Variants in BACH2 observed in about 807,000 individuals in gnomAD.
BACH2 encodes the protein transcription regulator protein BACH2.
BACH2 carries 5 observed loss-of-function variants against 61.8 expected under a neutral mutation model. The ratio of observed to expected loss-of-function variants is 0.08; its 90% CI spans 0.04 to 0.17. BACH2 has a LOEUF of 0.17. Ranked by LOEUF, BACH2 falls within the 10% of genes least tolerant of loss-of-function variation. BACH2 has a pLI of 1.00. For synonymous variants in BACH2, 446 were observed against 440.1 expected (o/e 1.01, Z -0.17); for missense variants, 824 against 1,091.1 (o/e 0.76, Z 3.45).
At chr6:90,260,681 C>A (rs565040936) in intron 2 of BACH2, among the ~76,000 whole-genome samples, 9 of 152,192 alleles carry the variant, frequency 5.9e-5, no homozygotes, top group Non-Finnish European at 1.2e-4. Context: ...ATAATATACA[C>A]ATTTCGACCA....
Position 89,951,680 on chromosome 6 carries a change from C to G in BACH2, c.426G>C (p.Val142=). Residue 142 remains valine (V), a synonymous_variant, in exon 7 of 9, where the codon GTG becomes GTC. Transcript: ENST00000257749. This position sits in a 1 kb window ranked among gnomAD's most constrained non-coding sequence, Gnocchi z 6.4. The part of the protein sequence containing the change: ...QLLNSEDGLF[V]CRKDAACQRP... ...GCTGGCACGCAGCATCCTTCCGGCA[C>G]ACAAACAGGCCATCCTCACTGTTCA... 1 of 1,614,232 alleles carries G rather than the reference C, an allele frequency of 6.2e-7. No homozygotes were observed. The highest frequency in any genetic ancestry group is 8.5e-7 in the Non-Finnish European group (1 of 1,180,038).
chr6:90,170,075 CT>C (rs199794611), intron 4 of BACH2, among the ~76,000 whole-genome samples: 10 of 151,538 alleles, frequency 6.6e-5, no homozygotes, highest in Admixed American at 1.3e-4. Flanking sequence ...TTATAAAACA[CT>C]TTTTTTTTCT....
chr6:90,238,374 G>C (rs58453446), intron 3 of BACH2, among the ~76,000 whole-genome samples: 40,010 of 152,098 alleles, frequency 0.26, 5,787 homozygotes, highest in Non-Finnish European at 0.33. Context: ...TGGAGTTGTG[G>C]CTTTTGATAA....
At chr6:90,136,964 A>T (rs1193874143) in intron 4 of BACH2, among the ~76,000 whole-genome samples, 1 of 152,168 alleles carries the variant, frequency 6.6e-6, no homozygotes, top group African/African-American at 2.4e-5. Context: ...TCCCATTTCA[A>T]AAAGGAACTT....
At chr6:90,186,131 T>C (rs1462382300) in intron 4 of BACH2, among the ~76,000 whole-genome samples, 2 of 152,252 alleles carry the variant, frequency 1.3e-5, no homozygotes, top group Non-Finnish European at 2.9e-5. Context: ...TTCCATGTTA[T>C]ATAATGAATG....
chr6:90,123,862 C>T (rs1342483303), intron 4 of BACH2, among the ~76,000 whole-genome samples: 14 of 150,986 alleles, frequency 9.3e-5, no homozygotes, highest in African/African-American at 2.9e-4. Context: ...ACACCAAAAT[C>T]GCCTCCTGAT....
intron 5 of BACH2, among the ~76,000 whole-genome samples, chr6:90,033,849 C>A (rs1406617108): frequency 6.6e-6 from 1 of 152,134 alleles, no homozygotes; most frequent in Non-Finnish European, 1.5e-5. Flanking sequence ...GACTAAAAGA[C>A]ATGCTTGGAT....
chr6:90,051,827 T>G (rs1780060171), intron 5 of BACH2, among the ~76,000 whole-genome samples: 1 of 152,166 alleles, frequency 6.6e-6, no homozygotes, highest in African/African-American at 2.4e-5. Context: ...GAAAAACACT[T>G]GAGACTATAA....
intron 6 of BACH2, among the ~76,000 whole-genome samples, chr6:89,963,876 A>C (rs1774891240): frequency 6.6e-6 from 1 of 152,248 alleles, no homozygotes; most frequent in Non-Finnish European, 1.5e-5. Flanking sequence ...CTCAGCCTTA[A>C]AAGGAAGAAA....
chr6:89,980,731 G>C (rs963853044), intron 6 of BACH2, among the ~76,000 whole-genome samples: 1 of 152,198 alleles, frequency 6.6e-6, no homozygotes, highest in Non-Finnish European at 1.5e-5. Context: ...GGAAGGTGTT[G>C]AGTCTTTTCT....
chr6:90,103,907 A>T (rs1311804172), intron 4 of BACH2, among the ~76,000 whole-genome samples: 1 of 152,238 alleles, frequency 6.6e-6, no homozygotes, highest in Non-Finnish European at 1.5e-5. Context: ...TCCTGAAAAC[A>T]TCCATTTGAA....
At chr6:90,224,465 TG>T (rs1460485283) in intron 3 of BACH2, among the ~76,000 whole-genome samples, 2 of 152,170 alleles carry the variant, frequency 1.3e-5, no homozygotes, top group African/African-American at 4.8e-5. Flanking sequence ...TGAAAAATAC[TG>T]GGATGGAAGT....
chr6:90,241,736 T>C (rs1337449738), intron 3 of BACH2, among the ~76,000 whole-genome samples: 1 of 151,990 alleles, frequency 6.6e-6, no homozygotes, highest in Non-Finnish European at 1.5e-5. Context: ...CACAGGAAGT[T>C]GCCAAACTGC....
At chr6:90,042,922 G>A (rs1376103660) in intron 5 of BACH2, among the ~76,000 whole-genome samples, 1 of 152,148 alleles carries the variant, frequency 6.6e-6, no homozygotes, top group East Asian at 1.9e-4. Flanking sequence ...ATGATGGCTT[G>A]GACTAGTGAG....
At chr6:90,254,418 G>C (rs1770912712) in intron 2 of BACH2, among the ~76,000 whole-genome samples, 1 of 152,004 alleles carries the variant, frequency 6.6e-6, no homozygotes, top group South Asian at 2.1e-4. Flanking sequence ...TGCTCTAAGG[G>C]AGTAGTGATA....
chr6:89,932,354 C>T lies in BACH2; in HGVS notation c.*54G>A. 4.4e-6 allele frequency: 7 copies of T among 1,577,548 alleles called. No homozygotes were observed. Among genetic ancestry groups the T allele is most frequent in the Non-Finnish European group, 4.3e-6 (5 of 1,157,910 alleles). ...GCAGATGAACAGTGCCACAGGCTGACTGAAGAACGCCTGGATGGGAGAGGT... is the reference window on the plus strand; with the variant it reads ...GCAGATGAACAGTGCCACAGGCTGATTGAAGAACGCCTGGATGGGAGAGGT... On this transcript the variant is annotated 3_prime_UTR_variant, in exon 9 of 9. Coordinates refer to ENST00000257749, the MANE Select transcript of BACH2 (RefSeq NM_021813.4).
intron 6 of BACH2, among the ~76,000 whole-genome samples, chr6:89,995,490 GA>G (rs1776795401): frequency 6.6e-6 from 1 of 152,190 alleles, no homozygotes; most frequent in Non-Finnish European, 1.5e-5. Flanking sequence ...TCCAGGCTCA[GA>G]TTGACCCCTG....
chr6:90,042,430 C>A (rs967627344), intron 5 of BACH2, among the ~76,000 whole-genome samples: 4 of 151,590 alleles, frequency 2.6e-5, no homozygotes, highest in African/African-American at 9.7e-5. Context: ...TGACTGAACT[C>A]CTGGGCTCAT....
chr6:89,991,464 A>AGCGTGCACGC (rs1279452591), intron 6 of BACH2, among the ~76,000 whole-genome samples: 1 of 152,100 alleles, frequency 6.6e-6, no homozygotes, highest in Non-Finnish European at 1.5e-5. Context: ...TGTTCACGTA[A>AGCGTGCACGC]GCGTGCACGC....
Sources: gnomAD v4.1 joint callset for allele counts (sites outside exome capture counted in the v4.1 genomes callset) on GRCh38, gnomAD v4.1.1 for gene constraint, Gnocchi (gnomAD v3.1) non-coding constraint, MANE v1.5 for transcripts, NCBI Gene and HGNC (gene_info 2026-07-23, HGNC 2026-07-21) for gene names.